Variants in CCSER1 observed in about 807,000 individuals in gnomAD.
CCSER1 encodes coiled-coil serine rich protein 1, also known as serine-rich coiled-coil domain-containing protein 1.
A neutral mutation model predicts 82.0 loss-of-function variants in CCSER1; 41 were observed. The observed-to-expected ratio is 0.50, with a 90% CI of 0.39 to 0.65. The LOEUF (loss-of-function observed/expected upper bound fraction) is 0.65. Among genes scored for constraint, CCSER1 ranks in the 30% least tolerant of loss-of-function variants. CCSER1 has a pLI of 0.00. For missense variants in CCSER1, 1,119 were observed against 1,064.2 expected, an observed-to-expected ratio of 1.05 and a Z score of -0.72; for synonymous variants, 414 against 383.9, an observed-to-expected ratio of 1.08 and a Z score of -0.92.
chr4:90,545,393 C>T (rs1776633969), intron 5 of CCSER1, among the ~76,000 whole-genome samples: 1 of 152,078 alleles, frequency 6.6e-6, no homozygotes, highest in South Asian at 2.1e-4. Flanking sequence ...CGATTTTCTT[C>T]AATGACTATA....
intron 3 of CCSER1, among the ~76,000 whole-genome samples, chr4:90,354,613 A>AT (rs1744094222): frequency 6.6e-6 from 1 of 152,078 alleles, no homozygotes; most frequent in African/African-American, 2.4e-5. Context: ...TACAATTACT[A>AT]CTTTTCAATT....
intron 9 of CCSER1, among the ~76,000 whole-genome samples, chr4:91,033,925 T>G (rs1251280654): frequency 6.6e-6 from 1 of 152,156 alleles, no homozygotes; most frequent in Admixed American, 6.6e-5. Context: ...GAGTTGCCTC[T>G]AAGTCCCTGG....
At chr4:90,156,494 A>T (rs1376217362) in intron 1 of CCSER1, among the ~76,000 whole-genome samples, 2 of 152,042 alleles carry the variant, frequency 1.3e-5, no homozygotes, top group Non-Finnish European at 2.9e-5. Flanking sequence ...CCCATTATTA[A>T]TGTTTGGGAG....
chr4:91,595,472 C>T (rs77197815), intron 10 of CCSER1, among the ~76,000 whole-genome samples: 5,270 of 152,054 alleles, frequency 0.035, 194 homozygotes, highest in South Asian at 0.16. Context: ...GAAATAAATA[C>T]CTCTCAAAGT....
intron 9 of CCSER1, among the ~76,000 whole-genome samples, chr4:90,956,068 T>G (rs1733402474): frequency 6.6e-6 from 1 of 152,192 alleles, no homozygotes; most frequent in Non-Finnish European, 1.5e-5. Flanking sequence ...AAGATGGGTG[T>G]AGGACCGAGA....
At position 90,946,174 on chromosome 4, in the gene CCSER1, T is replaced by C. The variant is rs556800537; in HGVS notation, c.2172+22727T>C. 6.6e-5 allele frequency among the ~76,000 whole-genome samples: 10 copies of C among 152,324 alleles called. 1 individual carries two copies. The highest frequency in any genetic ancestry group is 2.2e-4 in the African/African-American group (9 of 41,584). On this transcript the variant is annotated intron_variant, in intron 9 of 10. Coordinates refer to ENST00000509176, the MANE Select transcript of CCSER1 (RefSeq NM_001145065.2). ...TGATATAATGCTAATTTTATAAGCA[T>C]GAGCAAATACAAGATACTTTAATTT...
intron 6 of CCSER1, among the ~76,000 whole-genome samples, chr4:90,668,580 A>C (rs1732223934): frequency 6.6e-6 from 1 of 152,170 alleles, no homozygotes; most frequent in Non-Finnish European, 1.5e-5. Flanking sequence ...AAGAGAAAAA[A>C]GAATGATTTG....
intron 1 of CCSER1, among the ~76,000 whole-genome samples, chr4:90,237,812 A>C (rs964793576): frequency 6.6e-6 from 1 of 152,198 alleles, no homozygotes; most frequent in Non-Finnish European, 1.5e-5. Context: ...TTTTACTGAA[A>C]GACTACTACC....
chr4:90,522,594 A>G (rs1370785641), intron 5 of CCSER1, among the ~76,000 whole-genome samples: 1 of 152,078 alleles, frequency 6.6e-6, no homozygotes, highest in Non-Finnish European at 1.5e-5. Context: ...GTTCTATTCT[A>G]CATGGCCAGT....
At chr4:90,830,498 C>G (rs1760994719) in intron 8 of CCSER1, among the ~76,000 whole-genome samples, 2 of 152,126 alleles carry the variant, frequency 1.3e-5, no homozygotes, top group Admixed American at 6.5e-5. Flanking sequence ...CTGAGAGGAA[C>G]AAAGCAAATA....
At chr4:90,883,291 A>G (rs2150081493) in intron 8 of CCSER1, among the ~76,000 whole-genome samples, 1 of 152,188 alleles carries the variant, frequency 6.6e-6, no homozygotes, top group South Asian at 2.1e-4. Flanking sequence ...ATCAATGACA[A>G]ACCATTAACT....
chr4:91,353,003 G>A (rs1239966146), intron 10 of CCSER1, among the ~76,000 whole-genome samples: 2 of 152,180 alleles, frequency 1.3e-5, no homozygotes, highest in African/African-American at 4.8e-5. Context: ...AGATAGGGTG[G>A]CCAGGAAGTT....
chr4:90,167,889 G>C (rs1434751785), intron 1 of CCSER1, among the ~76,000 whole-genome samples: 1 of 152,048 alleles, frequency 6.6e-6, no homozygotes, highest in Non-Finnish European at 1.5e-5. Context: ...GGACATTTGG[G>C]TTGGTTCCAA....
At chr4:90,289,927 C>G (rs558932718) in intron 1 of CCSER1, among the ~76,000 whole-genome samples, 32 of 151,660 alleles carry the variant, frequency 2.1e-4, no homozygotes, top group African/African-American at 7.2e-4. Context: ...GATTAAAATA[C>G]TGTAGATTGC....
intron 1 of CCSER1, among the ~76,000 whole-genome samples, chr4:90,160,379 GAAGAT>G (rs1729207745): frequency 6.6e-6 from 1 of 152,116 alleles, no homozygotes. Flanking sequence ...GAGATGAAGA[GAAGAT>G]GACTACAGTC....
chr4:90,950,111 CAAG>C (rs1211398578), intron 9 of CCSER1, among the ~76,000 whole-genome samples: 2 of 152,044 alleles, frequency 1.3e-5, no homozygotes, highest in Non-Finnish European at 2.9e-5. Flanking sequence ...TGGAGATGTG[CAAG>C]AAGAACCACA....
intron 5 of CCSER1, among the ~76,000 whole-genome samples, chr4:90,534,354 CT>C (rs1775009395): frequency 6.6e-6 from 1 of 151,968 alleles, no homozygotes; most frequent in Non-Finnish European, 1.5e-5. Context: ...TGGTCTTGAT[CT>C]TCTGACCTCG....
chr4:90,704,945 G>T (rs1161289231), intron 6 of CCSER1, among the ~76,000 whole-genome samples: 1 of 152,058 alleles, frequency 6.6e-6, no homozygotes, highest in Non-Finnish European at 1.5e-5. Context: ...GGAGAAGTTT[G>T]ATCATCTTAA....
intron 10 of CCSER1, among the ~76,000 whole-genome samples, chr4:91,398,361 G>T (rs1427278527): frequency 6.6e-6 from 1 of 151,822 alleles, no homozygotes; most frequent in Non-Finnish European, 1.5e-5. Flanking sequence ...AATTAAAAAA[G>T]ATAATTTAAG....
Sources: allele counts gnomAD v4.1 joint callset (sites outside exome capture counted in the v4.1 genomes callset), GRCh38; gene constraint gnomAD v4.1.1; transcripts MANE v1.5; gene names NCBI Gene and HGNC (gene_info 2026-07-23, HGNC 2026-07-21).